FKBP15: variants seen among roughly 807,000 people sequenced by gnomAD.
FKBP15 encodes the protein FK506-binding protein 15.
In FKBP15, 106 loss-of-function variants were observed where a neutral mutation model predicts 158.1. The ratio of observed to expected loss-of-function variants is 0.67; its 90% CI spans 0.57 to 0.79. The LOEUF is 0.79. FKBP15 is among the 30% of genes least tolerant of loss of function. The pLI is 0.00. For synonymous variants in FKBP15, 547 were observed against 548.6 expected (o/e 1.00, Z 0.04); for missense variants, 1,287 against 1,479.1 (o/e 0.87, Z 2.13).
chr9:113,198,992 C>A lies in FKBP15; in HGVS notation c.649-69G>T. Reference sequence around the variant, plus strand: ...TAATAATAACCATTATGATATTCAACTAACTACATACCAGCACACTACTTC... The same window carrying A: ...TAATAATAACCATTATGATATTCAAATAACTACATACCAGCACACTACTTC... On this transcript the variant is annotated intron_variant, in intron 7 of 27. Transcript: ENST00000238256. The surrounding 1 kb of genome is among the most constrained non-coding windows in gnomAD (Gnocchi z 5.2). The A allele has an allele frequency of 9.8e-7, 1 of 1,017,826 alleles. No individual in the cohort carries two copies. Among genetic ancestry groups the A allele is most frequent in the South Asian group, 1.4e-5 (1 of 73,054 alleles). 63.0% of individuals were successfully genotyped at this position (1,017,826 alleles called of 1,614,324 possible). A position where few individuals can be genotyped will look rare whatever the true frequency, so the allele number is the denominator to read the frequency against.
intron 5 of FKBP15, 149 bp downstream of exon 5, chr9:113,202,812 A>G: frequency 5.1e-6 from 4 of 780,364 alleles, no homozygotes; most frequent in Non-Finnish European, 8.3e-6. Context: ...GAAGGAGCCA[A>G]GAGACCTTTC....
chr9:113,178,801 C>T lies in FKBP15; in HGVS notation c.1915G>A (p.Ala639Thr). 1 of 1,601,436 alleles carries T rather than the reference C, an allele frequency of 6.2e-7. No homozygotes were observed. Among genetic ancestry groups the T allele is most frequent in the Non-Finnish European group, 8.5e-7 (1 of 1,173,958 alleles). Residue 639 changes from alanine (A) to threonine (T), a missense_variant and splice_region_variant, in exon 20 of 28, where the codon GCC becomes ACC. Ala to Thr is a moderately conservative substitution (Grantham distance 58, BLOSUM62 0). Coordinates refer to ENST00000238256, the MANE Select transcript of FKBP15 (RefSeq NM_015258.2). ...ARVLHAEQEK[A>T]KVTEELAAAT... is the part of the protein sequence containing the mutation. ...GCTGCTAACTCCTCTGTCACCTTGG[C>T]CTGAATAATAACAAAGTATGATGTC...
Position 113,164,388 on chromosome 9 carries a change from A to G in FKBP15, c.*1690T>C, listed in dbSNP as rs374541195. On this transcript the variant is annotated 3_prime_UTR_variant, in exon 28 of 28. Coordinates refer to ENST00000238256, the MANE Select transcript of FKBP15 (RefSeq NM_015258.2). Reference sequence around the variant, plus strand: ...ATTCTTCATTCATGTAACAAGTATTAATTGAGTACATGCTATAAGAAAAGT... The same window carrying G: ...ATTCTTCATTCATGTAACAAGTATTGATTGAGTACATGCTATAAGAAAAGT... The G allele has an allele frequency of 1.5e-4, 23 of 152,364 alleles. No homozygotes were observed. The highest frequency in any genetic ancestry group is 5.3e-4 in the African/African-American group (22 of 41,590). The allele number at this position is 152,364 out of a possible 1,614,324, so 9.4% of individuals were successfully genotyped here. A position where few individuals can be genotyped will look rare whatever the true frequency, so the allele number is the denominator to read the frequency against.
chr9:113,174,560 C>T lies in FKBP15; in HGVS notation c.2247G>A (p.Lys749=). The T allele has an allele frequency of 6.2e-7, 1 of 1,613,864 alleles. No homozygotes were observed. The highest frequency in any genetic ancestry group is 8.5e-7 in the Non-Finnish European group (1 of 1,179,842). Residue 749 remains lysine (K), a synonymous_variant, in exon 22 of 28, where the codon AAG becomes AAA. Coordinates refer to ENST00000238256, the MANE Select transcript of FKBP15 (RefSeq NM_015258.2). ...CGGCCTGAGAACGCTCTTGAGCTGA[C>T]TTCTTTTTCCTTTCTGAGAGGTTCT... ...LEKNLSERKK[K]SAQERSQAEE... is the part of the protein sequence containing the mutation.
At chr9:113,196,870 G>T in intron 9 of FKBP15, 62 bp downstream of exon 9, 2 of 1,545,910 alleles carry the variant, frequency 1.3e-6, no homozygotes, top group South Asian at 2.4e-5. Context: ...TATTCATTTT[G>T]TGTAACTAGC....
At position 113,169,823 on chromosome 9, in the gene FKBP15, T is replaced by C. The variant is rs1222381653; in HGVS notation, c.2886A>G (p.Ser962=). ...PRRPSQEQSA[S]ASSGQPQAPL... ...GTGCTTGAGGCTGCCCAGAACTGGC[T>C]GAGGCTGACTGCTCCTGGGAAGGTC... Residue 962 remains serine (S), a synonymous_variant, in exon 26 of 28, where the codon TCA becomes TCG. Coordinates refer to ENST00000238256, the MANE Select transcript of FKBP15 (RefSeq NM_015258.2). The C allele has an allele frequency of 6.4e-7, 1 of 1,563,730 alleles. No individual in the cohort carries two copies. Among genetic ancestry groups the C allele is most frequent in the East Asian group, 2.4e-5 (1 of 41,918 alleles).
At chr9:113,206,647 G>C (rs1791541030) in intron 3 of FKBP15, 69 bp from the exon 4 acceptor site, 1 of 1,139,494 alleles carries the variant, frequency 8.8e-7, no homozygotes, top group Non-Finnish European at 1.3e-6. Context: ...TTTCTTTTCT[G>C]TCATACAGAA....
chr9:113,172,039 C>T (rs1183175874), intron 23 of FKBP15, among the ~76,000 whole-genome samples: 3 of 150,820 alleles, frequency 2.0e-5, no homozygotes, highest in East Asian at 1.9e-4. Context: ...TGATGTTCCC[C>T]GCCCTGTGTC....
In FKBP15 at chr9:113,162,717, C is replaced by A; in HGVS notation, c.*3361G>T. ...CAGCTTCCTCATTACCAGCTCATTA[C>A]CAGGATTAACTTGCTTCTCCTTTTT... is the stretch of plus-strand genomic sequence containing the variant. On this transcript the variant is annotated 3_prime_UTR_variant, in exon 28 of 28. Transcript: ENST00000238256. The A allele has an allele frequency of 6.3e-7, 1 of 1,588,626 alleles. No individual in the cohort carries two copies. Among genetic ancestry groups the A allele is most frequent in the South Asian group, 1.1e-5 (1 of 87,642 alleles).
In FKBP15 at chr9:113,184,262, C is replaced by T. The variant is rs1228446414; in HGVS notation, c.1716+30G>A. Reference sequence around the variant, plus strand: ...AAGAGAGGATGGGTAAGACCTTCAGCCTGAGTGGTATGTTCTTAATCACCC... The same window carrying T: ...AAGAGAGGATGGGTAAGACCTTCAGTCTGAGTGGTATGTTCTTAATCACCC... On this transcript the variant is annotated intron_variant, in intron 17 of 27. Transcript: ENST00000238256. This position sits in a 1 kb window ranked among gnomAD's most constrained non-coding sequence, Gnocchi z 4.5. 16 of 1,480,820 alleles carry T rather than the reference C, an allele frequency of 1.1e-5. No individual in the cohort carries two copies. The highest frequency in any genetic ancestry group is 2.4e-5 in the East Asian group (1 of 42,414). The allele number at this position is 1,480,820 out of a possible 1,614,324, so 91.7% of individuals were successfully genotyped here. A position where few individuals can be genotyped will look rare whatever the true frequency, so the allele number is the denominator to read the frequency against.
chr9:113,190,322 A>C, intron 12 of FKBP15, 149 bp downstream of exon 12: 1 of 671,732 alleles, frequency 1.5e-6, no homozygotes, highest in East Asian at 2.8e-5. Context: ...GTAGAAACAC[A>C]TGTACCAATA....
chr9:113,183,780 C>G lies in FKBP15; in HGVS notation c.1782G>C (p.Lys594Asn), dbSNP rs765198710. The G allele has an allele frequency of 1.9e-6, 3 of 1,613,550 alleles. No homozygotes were observed. The highest frequency in any genetic ancestry group is 2.5e-6 in the Non-Finnish European group (3 of 1,179,598). ...GATTTCGTTCAATTAGTTCACTAAT[C>G]TTGTCATTCTGTTCTTCTATCCGAT... is the stretch of plus-strand genomic sequence containing the variant. ...KSNRIEEQND[K>N]ISELIERNQR... Residue 594 changes from lysine to asparagine, a missense_variant, in exon 18 of 28, where the codon AAG (lysine) becomes AAC (asparagine). Transcript: ENST00000238256.
In FKBP15 at chr9:113,169,760, G is replaced by A; in HGVS notation, c.2949C>T (p.Pro983=). Residue 983 remains proline (P), a synonymous_variant, in exon 26 of 28, where the codon CCC becomes CCT. Coordinates refer to ENST00000238256, the MANE Select transcript of FKBP15 (RefSeq NM_015258.2). ...CAGCTTCCTCGACCACCTGCTCTGA[G>A]GGCACCATGGGGGACTCTGGCCTCT... ...NRERPESPMV[P]SEQVVEEAVP... 6.2e-7 allele frequency: 1 copy of A among 1,607,876 alleles called. No individual in the cohort carries two copies.
intron 6 of FKBP15, among the ~76,000 whole-genome samples, chr9:113,202,008 A>T (rs1355134590): frequency 6.6e-6 from 1 of 152,008 alleles, no homozygotes; most frequent in Non-Finnish European, 1.5e-5. Flanking sequence ...TTCTACAATG[A>T]GTATGTAGTA....
chr9:113,209,729 CAACAA>C (rs1007936739), intron 2 of FKBP15, among the ~76,000 whole-genome samples: 2 of 152,246 alleles, frequency 1.3e-5, no homozygotes, highest in Non-Finnish European at 2.9e-5. Context: ...TTAACCTACA[CAACAA>C]AAGTAACTTT....
At position 113,199,894 on chromosome 9, in the gene FKBP15, C is replaced by T. The variant is rs1311082449; in HGVS notation, c.568G>A (p.Asp190Asn). The change falls in exon 7 of 28, where the codon GAC (aspartate) becomes AAC (asparagine). Residue 190 changes from aspartate to asparagine, a missense_variant. Coordinates refer to ENST00000238256, the MANE Select transcript of FKBP15 (RefSeq NM_015258.2). Reference protein sequence around the residue: ...AVLSQDLIVADGPAVEVGDSL... With the variant: ...AVLSQDLIVANGPAVEVGDSL... ...TCTCCAACTTCTACAGCAGGGCCGTCTGCCACAATGAGGTCCTGGGAGAGC... is the reference window on the plus strand; with the variant it reads ...TCTCCAACTTCTACAGCAGGGCCGTTTGCCACAATGAGGTCCTGGGAGAGC... The T allele has an allele frequency of 1.9e-6, 3 of 1,613,292 alleles. No individual in the cohort carries two copies. The highest frequency in any genetic ancestry group is 1.7e-6 in the Non-Finnish European group (2 of 1,179,682).
rs771520244 is a variant in FKBP15 at position 113,169,701 on chromosome 9, TGG to T, written c.3006_3007del (p.Gln1003GlyfsTer12). 1.2e-6 allele frequency: 2 copies of T among 1,613,904 alleles called. No homozygotes were observed. Among genetic ancestry groups the T allele is most frequent in the Non-Finnish European group, 8.5e-7 (1 of 1,179,830 alleles). On this transcript the variant is annotated frameshift_variant, in exon 26 of 28. Transcript: ENST00000238256. LOFTEE classifies it high-confidence loss of function. ...GTCCCCTTTCCTTCTGTGTCCATCC[TGG>T]GAAGTGGTGAGGGCCTGAGGAGGCA...
chr9:113,190,357 A>T (rs1417939026), intron 12 of FKBP15, 114 bp downstream of exon 12: 1 of 825,060 alleles, frequency 1.2e-6, no homozygotes, highest in East Asian at 2.7e-5. Context: ...TTTGCATATT[A>T]GCTCTCTAAA....
intron 12 of FKBP15, among the ~76,000 whole-genome samples, chr9:113,189,909 T>G (rs1485476876): frequency 6.6e-6 from 1 of 152,176 alleles, no homozygotes; most frequent in East Asian, 1.9e-4. Context: ...AAAATACATG[T>G]GATATTTATA....
Sources: gnomAD v4.1 joint callset for allele counts (sites outside exome capture counted in the v4.1 genomes callset) on GRCh38, gnomAD v4.1.1 for gene constraint, Gnocchi (gnomAD v3.1) non-coding constraint, MANE v1.5 for transcripts, NCBI Gene and HGNC (gene_info 2026-07-23, HGNC 2026-07-21) for gene names.